GUCY1A2: variants seen among roughly 807,000 people sequenced by gnomAD.
The protein encoded by GUCY1A2 is guanylate cyclase soluble subunit alpha-2.
GUCY1A2 carries 27 observed loss-of-function variants against 63.5 expected under a neutral mutation model. The observed-to-expected ratio is 0.43, with a 90% CI of 0.31 to 0.59. The LOEUF (loss-of-function observed/expected upper bound fraction) is 0.59, where lower values mean the gene tolerates loss of function less well. Ranked by LOEUF, GUCY1A2 falls within the 20% of genes least tolerant of loss-of-function variation. The pLI is 0.11. For synonymous variants in GUCY1A2, 364 were observed against 343.5 expected (o/e 1.06, Z -0.66); for missense variants, 768 against 913.3 (o/e 0.84, Z 2.05).
At chr11:107,016,525 G>A (rs923666657) in intron 1 of GUCY1A2, among the ~76,000 whole-genome samples, 1 of 152,232 alleles carries the variant, frequency 6.6e-6, no homozygotes, top group African/African-American at 2.4e-5. Context: ...CAACCAGGGG[G>A]AGTTTGTTGT....
chr11:106,870,629 G>A (rs769110057), intron 4 of GUCY1A2, among the ~76,000 whole-genome samples: 14 of 152,056 alleles, frequency 9.2e-5, no homozygotes, highest in East Asian at 7.7e-4. Context: ...TAATGGCTGC[G>A]TATGACCTTC....
intron 5 of GUCY1A2, among the ~76,000 whole-genome samples, chr11:106,794,056 T>A (rs980375440): frequency 6.6e-6 from 1 of 152,130 alleles, no homozygotes; most frequent in Non-Finnish European, 1.5e-5. Flanking sequence ...CCATGTTCAT[T>A]GCAGCATTAT....
chr11:106,716,670 G>A (rs968100575), intron 6 of GUCY1A2, among the ~76,000 whole-genome samples: 2 of 149,728 alleles, frequency 1.3e-5, no homozygotes, highest in Admixed American at 6.7e-5. Flanking sequence ...TCAGGAGGCT[G>A]AGGCAGGAGA....
chr11:106,739,932 C>T (rs571280485), intron 6 of GUCY1A2, among the ~76,000 whole-genome samples: 2 of 151,894 alleles, frequency 1.3e-5, no homozygotes, highest in East Asian at 3.9e-4. Context: ...CCTAGCAGCA[C>T]GACTGACATA....
intron 4 of GUCY1A2, among the ~76,000 whole-genome samples, chr11:106,861,815 T>C (rs747295941): frequency 1.3e-5 from 2 of 152,058 alleles, no homozygotes; most frequent in African/African-American, 2.4e-5. Context: ...TTTTTCTATA[T>C]TTTATTCCCT....
intron 3 of GUCY1A2, among the ~76,000 whole-genome samples, chr11:106,971,556 T>C (rs1176277865): frequency 2.0e-5 from 3 of 152,050 alleles, no homozygotes; most frequent in Non-Finnish European, 4.4e-5. Context: ...GGTTTCTCCT[T>C]GTTAGAAAGA....
chr11:106,920,128 A>G (rs1860422944), intron 4 of GUCY1A2, among the ~76,000 whole-genome samples: 1 of 150,998 alleles, frequency 6.6e-6, no homozygotes, highest in South Asian at 2.1e-4. Flanking sequence ...ATTTACAGAT[A>G]TATACATTAG....
chr11:106,953,890 G>T (rs1441155487), intron 3 of GUCY1A2, among the ~76,000 whole-genome samples: 1 of 152,010 alleles, frequency 6.6e-6, no homozygotes, highest in East Asian at 1.9e-4. Context: ...ATTTTTTATT[G>T]TGTCTACTTG....
chr11:106,936,643 T>C (rs1218337764), intron 4 of GUCY1A2: 1 of 1,508,894 alleles, frequency 6.6e-7, no homozygotes, highest in South Asian at 1.2e-5. Flanking sequence ...AAGAGTTTTT[T>C]TCTAACCTCA....
intron 1 of GUCY1A2, among the ~76,000 whole-genome samples, chr11:107,007,090 C>G (rs1015403345): frequency 3.3e-5 from 5 of 151,994 alleles, no homozygotes; most frequent in Non-Finnish European, 5.9e-5. Context: ...GCCAAGAAAA[C>G]CGTACAGTAT....
At chr11:106,964,437 C>G (rs1447047949) in intron 3 of GUCY1A2, among the ~76,000 whole-genome samples, 1 of 152,178 alleles carries the variant, frequency 6.6e-6, no homozygotes, top group Non-Finnish European at 1.5e-5. Flanking sequence ...GGTACCTGAC[C>G]ACTAGGTACC....
chr11:106,937,791 A>G lies in GUCY1A2; in HGVS notation c.1206+1669T>C, dbSNP rs568324362. ...GATCAAATAATACTAATTCATTCAG[A>G]CTAAAATATCCAAATGTGCCAAACT... On this transcript the variant is annotated intron_variant, in intron 4 of 7. Transcript: ENST00000526355. 4.6e-5 allele frequency among the ~76,000 whole-genome samples: 7 copies of G among 152,312 alleles called. No individual in the cohort carries two copies. In the East Asian group the frequency reaches 7.7e-4, roughly 17 times the overall value.
chr11:106,777,087 C>T (rs1281957986), intron 5 of GUCY1A2, among the ~76,000 whole-genome samples: 1 of 152,094 alleles, frequency 6.6e-6, no homozygotes, highest in Non-Finnish European at 1.5e-5. Context: ...AATATTCATA[C>T]CCCATACCAT....
intron 4 of GUCY1A2, among the ~76,000 whole-genome samples, chr11:106,880,772 A>C (rs1004097612): frequency 6.6e-6 from 1 of 152,112 alleles, no homozygotes. Context: ...TCCACAAGGG[A>C]TATACAAGAT....
At chr11:106,845,830 C>A (rs1231662730) in intron 4 of GUCY1A2, among the ~76,000 whole-genome samples, 1 of 151,582 alleles carries the variant, frequency 6.6e-6, no homozygotes, top group Non-Finnish European at 1.5e-5. Context: ...AAACGGTATG[C>A]TCATATGGTC....
intron 4 of GUCY1A2, chr11:106,827,502 G>A (rs1045927523): frequency 1.4e-5 from 20 of 1,462,970 alleles, no homozygotes; most frequent in Middle Eastern, 1.7e-4. Context: ...CTGTATCACG[G>A]ATTCCTAATA....
intron 4 of GUCY1A2, among the ~76,000 whole-genome samples, chr11:106,831,528 G>T (rs1859050979): frequency 6.6e-6 from 1 of 152,156 alleles, no homozygotes; most frequent in South Asian, 2.1e-4. Context: ...AACGTTATTG[G>T]TCAGGGTCTT....
Position 106,675,463 on chromosome 11 carries a change from CAATGAATTAGTAGCTTGTA to C in GUCY1A2, c.*12067_*12085del, listed in dbSNP as rs1862330035. On this transcript the variant is annotated 3_prime_UTR_variant, in exon 8 of 8. Coordinates refer to ENST00000526355, the MANE Select transcript of GUCY1A2 (RefSeq NM_000855.3). ...TTTTGCTCCAAATTCTTAAAGGAGA[CAATGAATTAGTAGCTTGTA>C]AATTTTGCAGATCTGGGCCTTCAAT... 2 of 201,206 alleles carry C rather than the reference CAATGAATTAGTAGCTTGTA, an allele frequency of 9.9e-6. No individual in the cohort carries two copies. The highest frequency in any genetic ancestry group is 4.6e-5 in the African/African-American group (2 of 43,412). 12.5% of individuals were successfully genotyped at this position (201,206 alleles called of 1,614,324 possible).
chr11:106,833,835 G>GAATAAAGA (rs1247303478), intron 4 of GUCY1A2, among the ~76,000 whole-genome samples: 1 of 151,924 alleles, frequency 6.6e-6, no homozygotes, highest in Non-Finnish European at 1.5e-5. Context: ...AAGCATATTA[G>GAATAAAGA]AATAAAGAAA....
Sources: allele counts gnomAD v4.1 joint callset (sites outside exome capture counted in the v4.1 genomes callset), GRCh38; gene constraint gnomAD v4.1.1; transcripts MANE v1.5; gene names NCBI Gene and HGNC (gene_info 2026-07-23, HGNC 2026-07-21).